ZNF430: variants seen among roughly 807,000 people sequenced by gnomAD.
The protein encoded by ZNF430 is zinc finger protein 430.
A neutral mutation model predicts 56.7 loss-of-function variants in ZNF430; 35 were observed. That is an observed-to-expected ratio of 0.62 (90% CI 0.47 to 0.82). The LOEUF (loss-of-function observed/expected upper bound fraction) is 0.82, where lower values mean the gene tolerates loss of function less well. Ranked by LOEUF, ZNF430 falls within the 40% of genes least tolerant of loss-of-function variation. The probability of loss-of-function intolerance (pLI) is 0.00; values close to 1 mark genes in which losing one functional copy is unlikely to be tolerated. For synonymous variants in ZNF430, 212 were observed against 224.3 expected, an observed-to-expected ratio of 0.94 and a Z score of 0.49; for missense variants, 574 against 661.0, an observed-to-expected ratio of 0.87 and a Z score of 1.44.
At chr19:21,038,122 G>A (rs770885546) in intron 4 of ZNF430, among the ~76,000 whole-genome samples, 22 of 151,784 alleles carry the variant, frequency 1.4e-4, no homozygotes, top group Non-Finnish European at 3.1e-4. Context: ...AGAAAATGGT[G>A]CCAAGACCAA....
chr19:21,020,698 C>T lies in ZNF430; in HGVS notation c.-103C>T, dbSNP rs1237763456. On this transcript the variant is annotated 5_prime_UTR_variant, in exon 1 of 5. Transcript: ENST00000261560. ...TGAGCTCCAGGTCTCGTCTTCAGCG[C>T]TCTGTGTCCTCTGCTCCTAGAGGTC... 6.5e-7 allele frequency: 1 copy of T among 1,534,340 alleles called. No individual in the cohort carries two copies. Among genetic ancestry groups the T allele is most frequent in the Admixed American group, 1.7e-5 (1 of 59,180 alleles).
At chr19:21,042,803 T>C (rs1968129634) in intron 4 of ZNF430, among the ~76,000 whole-genome samples, 6 of 151,852 alleles carry the variant, frequency 4.0e-5, no homozygotes, top group Admixed American at 2.6e-4. Context: ...AAAAAAAATT[T>C]AGAAAAAAAT....
chr19:21,052,861 G>C (rs1157093609), intron 4 of ZNF430, among the ~76,000 whole-genome samples: 1 of 152,122 alleles, frequency 6.6e-6, no homozygotes, highest in East Asian at 1.9e-4. Flanking sequence ...GACTTTTAAT[G>C]ACGGTCTTGC....
At chr19:21,050,298 T>C (rs1268472004) in intron 4 of ZNF430, among the ~76,000 whole-genome samples, 1 of 152,228 alleles carries the variant, frequency 6.6e-6, no homozygotes, top group Non-Finnish European at 1.5e-5. Flanking sequence ...TTTTATGTTA[T>C]ATATTTTAGG....
intron 2 of ZNF430, among the ~76,000 whole-genome samples, chr19:21,030,246 T>G (rs1967875915): frequency 6.6e-6 from 1 of 152,134 alleles, no homozygotes; most frequent in Non-Finnish European, 1.5e-5. Context: ...TTCTATGTTC[T>G]TCTCATCTGC....
Position 21,026,827 on chromosome 19 carries a change from C to CTTTTTTTTTTTTTTTTTTTTTTTTTTTT in ZNF430, c.96+3969_96+3970insTTTTTTTTTTTTTTTTTTTTTTTTTTTT, listed in dbSNP as rs747809260. ...TTGGATGCCTTTTTTCTTTTCTTTT[C>CTTTTTTTTTTTTTTTTTTTTTTTTTTTT]TTTTTTTTTTTTTTTTTTTTTTTGA... On this transcript the variant is annotated intron_variant, in intron 2 of 4. Coordinates refer to ENST00000261560, the MANE Select transcript of ZNF430 (RefSeq NM_025189.4). 7.3e-5 allele frequency among the ~76,000 whole-genome samples: 5 copies of CTTTTTTTTTTTTTTTTTTTTTTTTTTTT among 68,716 alleles called. 1 individual carries two copies. The highest frequency in any genetic ancestry group is 1.3e-4 in the Non-Finnish European group (5 of 39,474). 45.1% of individuals were successfully genotyped at this position (68,716 alleles called of 152,430 possible).
chr19:21,034,802 G>C (rs111863167), intron 4 of ZNF430: 10,803 of 152,294 alleles, frequency 0.071, 466 homozygotes, highest in Non-Finnish European at 0.086. Flanking sequence ...GCCTCCCAAA[G>C]TACTAGGATT....
At chr19:21,055,717 G>A (rs1400307777) in intron 4 of ZNF430, among the ~76,000 whole-genome samples, 2 of 152,156 alleles carry the variant, frequency 1.3e-5, no homozygotes, top group Admixed American at 6.5e-5. Context: ...GCCTCCCAAA[G>A]TACTGGAATT....
At chr19:21,031,246 G>A (rs1967896975) in intron 2 of ZNF430, among the ~76,000 whole-genome samples, 1 of 151,200 alleles carries the variant, frequency 6.6e-6, no homozygotes, top group Non-Finnish European at 1.5e-5. Flanking sequence ...CCTTTCCATG[G>A]ATTTCGTTTA....
At position 21,022,855 on chromosome 19, in the gene ZNF430, C is replaced by A; in HGVS notation, c.70C>A (p.Leu24Ile). 1 of 1,613,720 alleles carries A rather than the reference C, an allele frequency of 6.2e-7. No homozygotes were observed. The change falls in exon 2 of 5, where the codon CTT becomes ATT. Residue 24 changes from leucine to isoleucine, a missense_variant. Leu to Ile is a conservative substitution (Grantham distance 5). Around this residue, in one of 3 missense-constraint regions of ZNF430, gnomAD observed 346 missense variants for 399.1 expected, o/e 0.87. Coordinates refer to ENST00000261560, the MANE Select transcript of ZNF430 (RefSeq NM_025189.4). Reference protein sequence around the residue: ...ASGCPGADRNLLVYSFYEKGP... With the variant: ...ASGCPGADRNILVYSFYEKGP... ...TGGATGCCCTGGGGCTGACAGGAAT[C>A]TTCTGGTGTACTCTTTTTATGAAAA...
intron 2 of ZNF430, among the ~76,000 whole-genome samples, chr19:21,026,488 A>G (rs1043489553): frequency 3.9e-5 from 6 of 152,076 alleles, no homozygotes; most frequent in African/African-American, 1.4e-4. Context: ...TGCCCGGCCA[A>G]TCTCTGACTT....
chr19:21,054,618 A>G (rs758530770), intron 4 of ZNF430, among the ~76,000 whole-genome samples: 12 of 149,724 alleles, frequency 8.0e-5, no homozygotes, highest in Non-Finnish European at 1.5e-4. Flanking sequence ...TTTGTTATAA[A>G]TATCTTTGTG....
chr19:21,020,787 CTGG>C lies in ZNF430; in HGVS notation c.-13_-11del. 1 of 1,613,844 alleles carries C rather than the reference CTGG, an allele frequency of 6.2e-7. No homozygotes were observed. Among genetic ancestry groups the C allele is most frequent in the South Asian group, 1.1e-5 (1 of 91,084 alleles). On this transcript the variant is annotated 5_prime_UTR_variant, in exon 1 of 5. Transcript: ENST00000261560. ...TCTACAGCTAAGACGCCAGGAACCC[CTGG>C]AAGCCTAGAAATGGTGAGAGTGCCG... is the stretch of plus-strand genomic sequence containing the variant.
intron 2 of ZNF430, among the ~76,000 whole-genome samples, chr19:21,026,508 G>C (rs1967799627): frequency 6.6e-6 from 1 of 152,020 alleles, no homozygotes; most frequent in Non-Finnish European, 1.5e-5. Flanking sequence ...TCTTTAAGCA[G>C]TGTTTTGTGA....
intron 4 of ZNF430, among the ~76,000 whole-genome samples, chr19:21,055,021 TG>T (rs1215361086): frequency 1.3e-5 from 2 of 152,098 alleles, no homozygotes; most frequent in Non-Finnish European, 1.5e-5. Flanking sequence ...TGGTATTTTT[TG>T]CCTTCATAAT....
chr19:21,024,943 T>C (rs1441788443), intron 2 of ZNF430, among the ~76,000 whole-genome samples: 1 of 152,142 alleles, frequency 6.6e-6, no homozygotes, highest in Middle Eastern at 3.2e-3. Context: ...TTCAGGAGCC[T>C]GTGAAAAATT....
chr19:21,056,120 T>C (rs778707261), intron 4 of ZNF430, among the ~76,000 whole-genome samples: 11 of 152,210 alleles, frequency 7.2e-5, no homozygotes, highest in African/African-American at 1.9e-4. Flanking sequence ...ACTTAACTTA[T>C]TTATAAATTT....
intron 4 of ZNF430, among the ~76,000 whole-genome samples, chr19:21,049,980 G>A (rs1382610964): frequency 5.5e-3 from 11 of 1,986 alleles, no homozygotes; most frequent in Non-Finnish European, 0.014. Context: ...GCTGGAGTGC[G>A]GTGGCTCGAT....
At chr19:21,021,455 C>T (rs952382298) in intron 1 of ZNF430, among the ~76,000 whole-genome samples, 47 of 151,808 alleles carry the variant, frequency 3.1e-4, no homozygotes, top group African/African-American at 1.1e-3. Context: ...GCCGAGATAG[C>T]GCCACTGCAC....
Sources: allele counts gnomAD v4.1 joint callset (sites outside exome capture counted in the v4.1 genomes callset), GRCh38; gene constraint gnomAD v4.1.1; regional missense constraint gnomAD v4.1.1; transcripts MANE v1.5; gene names NCBI Gene and HGNC (gene_info 2026-07-23, HGNC 2026-07-21).